SYTL2: variants seen among roughly 807,000 people sequenced by gnomAD.
SYTL2 encodes the protein synaptotagmin-like protein 2.
In SYTL2, 165 loss-of-function variants were observed where a neutral mutation model predicts 198.7. That is an observed-to-expected ratio of 0.83 (90% CI 0.73 to 0.94). SYTL2 has a LOEUF of 0.94. Ranked by LOEUF, SYTL2 falls within the 40% of genes least tolerant of loss-of-function variation. The pLI is 0.00. For synonymous variants in SYTL2, 966 were observed against 917.7 expected (o/e 1.05, Z -0.95); for missense variants, 2,835 against 2,582.8 (o/e 1.10, Z -2.12).
chr11:85,819,458 G>T, the SYTL2 span, among the ~76,000 whole-genome samples: 1 of 152,174 alleles, frequency 6.6e-6, no homozygotes, highest in Non-Finnish European at 1.5e-5. Context: ...TCAGCTGAGG[G>T]TGGAAGCCCC....
At chr11:85,704,471 C>T (rs1192895522) in intron 16 of SYTL2, among the ~76,000 whole-genome samples, 1 of 151,998 alleles carries the variant, frequency 6.6e-6, no homozygotes, top group Non-Finnish European at 1.5e-5. Context: ...GACATAAAAC[C>T]CATGAGGATA....
chr11:85,840,337 G>C, the SYTL2 span, among the ~76,000 whole-genome samples: 1 of 152,106 alleles, frequency 6.6e-6, no homozygotes, highest in African/African-American at 2.4e-5. Flanking sequence ...CTGTGCTTGT[G>C]GGGTATTACT....
At chr11:85,812,339 A>C (rs1381637965), upstream of SYTL2, among the ~76,000 whole-genome samples, 1 of 152,112 alleles carries the variant, frequency 6.6e-6, no homozygotes, top group Admixed American at 6.5e-5. Flanking sequence ...CAAGGGCTTC[A>C]GTTAGTGCCC....
At chr11:85,828,346 G>A in the SYTL2 span, among the ~76,000 whole-genome samples, 1 of 152,064 alleles carries the variant, frequency 6.6e-6, no homozygotes, top group African/African-American at 2.4e-5. Flanking sequence ...GGCAGTAAAT[G>A]GTTAAGAAAA....
the SYTL2 span, among the ~76,000 whole-genome samples, chr11:85,852,276 C>G: frequency 6.6e-6 from 1 of 152,140 alleles, no homozygotes; most frequent in South Asian, 2.1e-4. Flanking sequence ...CTTCCTGGGA[C>G]AAAAGGATAA....
At chr11:85,851,023 T>G in the SYTL2 span, among the ~76,000 whole-genome samples, 1 of 92,060 alleles carries the variant, frequency 1.1e-5, no homozygotes, top group East Asian at 3.5e-4. Context: ...CTGGGGACTG[T>G]GGTGGGGTGG....
At chr11:85,818,183 G>A in the SYTL2 span, among the ~76,000 whole-genome samples, 7 of 152,140 alleles carry the variant, frequency 4.6e-5, no homozygotes, top group South Asian at 2.1e-4. Flanking sequence ...TATTACAGGC[G>A]TGAGCCACCG....
intron 11 of SYTL2, 94 bp from the exon 12 acceptor site, chr11:85,714,601 A>C: frequency 6.7e-7 from 1 of 1,502,566 alleles, no homozygotes; most frequent in African/African-American, 1.4e-5. Flanking sequence ...TAATCTATGA[A>C]CAAACATGTT....
rs145374887 is a variant in SYTL2 at position 85,726,078 on chromosome 11, T to A, written c.3280A>T (p.Asn1094Tyr). The change falls in exon 8 of 20, where the codon AAT becomes TAT. Residue 1094 changes from asparagine (N) to tyrosine (Y), a missense_variant. Physicochemically the swap from Asn to Tyr is moderately radical, Grantham distance 143. Around this residue, in one of 3 missense-constraint regions of SYTL2, gnomAD observed 2,645 missense variants for 2,381.7 expected, o/e 1.11. Transcript: ENST00000359152. The part of the protein sequence containing the change: ...NESSKENVEK[N>Y]TEGIVTPVFK... ...ACTGGAGTAACAATCCCTTCCGTATTCTTTTCCACATTTTCCTTTGATGAC... is the reference window on the plus strand; with the variant it reads ...ACTGGAGTAACAATCCCTTCCGTATACTTTTCCACATTTTCCTTTGATGAC... The A allele has an allele frequency of 1.2e-6, 2 of 1,613,616 alleles. No individual in the cohort carries two copies. The highest frequency in any genetic ancestry group is 1.7e-4 in the Middle Eastern group (1 of 6,058).
intron 13 of SYTL2, 150 bp downstream of exon 13, chr11:85,710,963 A>G: frequency 1.4e-6 from 1 of 736,254 alleles, no homozygotes; most frequent in East Asian, 2.8e-5. Flanking sequence ...AAAAAGATAG[A>G]TGTAGCTAGC....
At chr11:85,759,964 A>G (rs1271341476) in intron 1 of SYTL2, among the ~76,000 whole-genome samples, 1 of 152,154 alleles carries the variant, frequency 6.6e-6, no homozygotes, top group Non-Finnish European at 1.5e-5. Flanking sequence ...ACAGAACTAT[A>G]CTATCATGTT....
the SYTL2 span, among the ~76,000 whole-genome samples, chr11:85,830,327 T>C: frequency 6.6e-6 from 1 of 152,118 alleles, no homozygotes; most frequent in South Asian, 2.1e-4. Context: ...AATTGTGCAC[T>C]TCATCAATTT....
chr11:85,752,915 A>G (rs1050240241), intron 2 of SYTL2, among the ~76,000 whole-genome samples: 1 of 99,578 alleles, frequency 1.0e-5, no homozygotes, highest in African/African-American at 4.0e-5. Flanking sequence ...AACTGCCTTC[A>G]TTAAAAAAAA....
chr11:85,709,641 T>C (rs2085903538), intron 13 of SYTL2, 141 bp from the exon 14 acceptor site: 1 of 744,816 alleles, frequency 1.3e-6, no homozygotes, highest in Admixed American at 2.6e-5. Context: ...TAAAGACATA[T>C]CTATAAAGAC....
intron 1 of SYTL2, among the ~76,000 whole-genome samples, chr11:85,776,330 G>A (rs2092450638): frequency 6.6e-6 from 1 of 152,144 alleles, no homozygotes; most frequent in Admixed American, 6.5e-5. Flanking sequence ...GTATACACAT[G>A]CCATGGTTTG....
the SYTL2 span, chr11:85,853,320 A>G: frequency 2.2e-6 from 1 of 445,146 alleles, no homozygotes; most frequent in African/African-American, 2.0e-5. Flanking sequence ...GTACTAGGAA[A>G]GATTCTTCTG....
chr11:85,719,021 C>A (rs1221614586), intron 9 of SYTL2, 178 bp from the exon 10 acceptor site: 3 of 1,524,726 alleles, frequency 2.0e-6, no homozygotes, highest in Non-Finnish European at 2.6e-6. Context: ...TGAGCCAGTG[C>A]CATAGCGGGA....
intron 1 of SYTL2, among the ~76,000 whole-genome samples, chr11:85,774,087 A>G (rs1313550926): frequency 2.0e-5 from 3 of 152,246 alleles, no homozygotes; most frequent in Non-Finnish European, 2.9e-5. Context: ...TATTACACAG[A>G]AAACCAAAAA....
At position 85,720,950 on chromosome 11, in the gene SYTL2, T is replaced by TA. The variant is rs764643399; in HGVS notation, c.5335_5336insT (p.Glu1779ValfsTer16). ...AGTTTTCAAAACAGGACTGGGTTCT[T>TA]CTTCTGAACCTGTTATAAAACAAAA... On this transcript the variant is annotated frameshift_variant, in exon 9 of 20. Transcript: ENST00000359152. LOFTEE classifies it high-confidence loss of function. The TA allele has an allele frequency of 3.7e-6, 6 of 1,611,070 alleles. No individual in the cohort carries two copies. In the Admixed American group the frequency reaches 1.0e-4, roughly 27 times the overall value.
Sources: gnomAD v4.1 joint callset for allele counts (sites outside exome capture counted in the v4.1 genomes callset) on GRCh38, gnomAD v4.1.1 for gene constraint, gnomAD v4.1.1 regional missense constraint, MANE v1.5 for transcripts, NCBI Gene and HGNC (gene_info 2026-07-23, HGNC 2026-07-21) for gene names.